Variants in SMC2 observed in about 807,000 individuals in gnomAD.
SMC2 encodes the protein structural maintenance of chromosomes protein 2.
Under a neutral mutation model 142.6 loss-of-function variants are expected in SMC2, and 41 were observed. The ratio of observed to expected loss-of-function variants is 0.29; its 90% CI spans 0.22 to 0.37. SMC2 has a LOEUF of 0.37. Ranked by LOEUF, SMC2 falls within the 10% of genes least tolerant of loss-of-function variation. SMC2 has a pLI of 1.00. For synonymous variants in SMC2, 463 were observed against 457.5 expected, an observed-to-expected ratio of 1.01 and a Z score of -0.15; for missense variants, 1,265 against 1,373.7, an observed-to-expected ratio of 0.92 and a Z score of 1.25.
At chr9:104,138,241 C>T (rs1835762578) in intron 24 of SMC2, 76 bp downstream of exon 24, 1 of 1,187,260 alleles carries the variant, frequency 8.4e-7, no homozygotes, top group African/African-American at 1.5e-5. Context: ...AGTTAGTAGT[C>T]AATGTTAATA....
At position 104,113,322 on chromosome 9, in the gene SMC2, A is replaced by G; in HGVS notation, c.1261A>G (p.Met421Val). The G allele has an allele frequency of 6.2e-7, 1 of 1,603,284 alleles. No homozygotes were observed. The highest frequency in any genetic ancestry group is 8.5e-7 in the Non-Finnish European group (1 of 1,175,922). The stretch of plus-strand genomic sequence containing the variant: ...TTGCATTTTTCTGCCACAGGCTCAG[A>G]TGAAGTTGAAGCATGCTCAACAGGA... ...KAQTEAKQAQ[M>V]KLKHAQQELK... Residue 421 changes from methionine (M) to valine (V), a missense_variant, in exon 11 of 25, where the codon ATG (methionine) becomes GTG (valine). Met to Val is a conservative substitution (Grantham distance 21). This residue lies in a region of SMC2 where 898 missense variants were observed against 904.2 expected (regional missense o/e 0.99). Transcript: ENST00000374793.
Position 104,126,749 on chromosome 9 carries a change from A to T in SMC2, c.2560A>T (p.Ile854Phe). The part of the protein sequence containing the change: ...NEAIKSYESQ[I>F]EVMAAEVAKN... ...AGCTATCAAATCCTATGAAAGTCAG[A>T]TTGAAGTAATGGCAGCTGAGGTGGC... The change falls in exon 19 of 25, where the codon ATT (isoleucine) becomes TTT (phenylalanine). Residue 854 changes from isoleucine to phenylalanine, a missense_variant. Transcript: ENST00000374793. 6.2e-7 allele frequency: 1 copy of T among 1,611,344 alleles called. No homozygotes were observed. The highest frequency in any genetic ancestry group is 8.5e-7 in the Non-Finnish European group (1 of 1,179,340).
chr9:104,098,927 G>C (rs1587890131), intron 4 of SMC2, among the ~76,000 whole-genome samples: 1 of 151,548 alleles, frequency 6.6e-6, no homozygotes, highest in East Asian at 1.9e-4. Context: ...AATTTTCTTA[G>C]AGACTCACAC....
intron 16 of SMC2, among the ~76,000 whole-genome samples, chr9:104,120,646 C>T (rs991587884): frequency 6.6e-6 from 1 of 152,194 alleles, no homozygotes; most frequent in South Asian, 2.1e-4. Context: ...TGTCGAATAT[C>T]AGCACTAAAA....
chr9:104,131,962 G>A, intron 21 of SMC2, 47 bp from the exon 22 acceptor site: 1 of 949,910 alleles, frequency 1.1e-6, no homozygotes, highest in Non-Finnish European at 1.6e-6. Flanking sequence ...CCAGAATATA[G>A]AAGAGATTTT....
Position 104,139,986 on chromosome 9 carries a change from G to A in SMC2, c.*671G>A, listed in dbSNP as rs986114032. 1 of 151,892 alleles carries A rather than the reference G, an allele frequency of 6.6e-6. No homozygotes were observed. Among genetic ancestry groups the A allele is most frequent in the Non-Finnish European group, 1.5e-5 (1 of 67,948 alleles). 9.4% of individuals were successfully genotyped at this position (151,892 alleles called of 1,614,324 possible). On this transcript the variant is annotated 3_prime_UTR_variant, in exon 25 of 25. Transcript: ENST00000374793. Reference sequence around the variant, plus strand: ...TATACGCTTAATAATTGGTCTCTACGACTTTAATGTTTTTGTTTTTTTAAG... The same window carrying A: ...TATACGCTTAATAATTGGTCTCTACAACTTTAATGTTTTTGTTTTTTTAAG...
chr9:104,137,674 C>T (rs1380747385), intron 23 of SMC2, among the ~76,000 whole-genome samples: 1 of 151,692 alleles, frequency 6.6e-6, no homozygotes, highest in Non-Finnish European at 1.5e-5. Context: ...AGCTCTTAAC[C>T]TGCTACCTAG....
intron 17 of SMC2, among the ~76,000 whole-genome samples, chr9:104,123,831 T>G (rs1035078384): frequency 1.3e-5 from 2 of 152,266 alleles, no homozygotes; most frequent in Non-Finnish European, 2.9e-5. Flanking sequence ...TGTAATTCAC[T>G]TTATAGCCAT....
rs532402602 is a variant in SMC2, at chr9:104,127,408, T to C, written c.2718T>C (p.Ser906=). 1 of 1,613,724 alleles carries C rather than the reference T, an allele frequency of 6.2e-7. No individual in the cohort carries two copies. The highest frequency in any genetic ancestry group is 1.1e-5 in the South Asian group (1 of 91,048). Residue 906 remains serine, a synonymous_variant, in exon 20 of 25, where the codon TCT becomes TCC. Coordinates refer to ENST00000374793, the MANE Select transcript of SMC2 (RefSeq NM_006444.3). The part of the protein sequence containing the change: ...VAKHKEQNND[S]QLKIKELDHN... ...AACACAAGGAGCAAAACAATGATTC[T>C]CAGCTTAAAATTAAGGAATTAGACC...
Position 104,113,858 on chromosome 9 carries a change from T to A in SMC2, c.1415-106T>A, listed in dbSNP as rs987153117. Reference sequence around the variant, plus strand: ...ATGCTTTTTTAATACTTACAGAAATTTGTATTTTTTGCATGCTTTGGAAAT... The same window carrying A: ...ATGCTTTTTTAATACTTACAGAAATATGTATTTTTTGCATGCTTTGGAAAT... On this transcript the variant is annotated intron_variant, in intron 11 of 24. Transcript: ENST00000374793. 1.3e-5 allele frequency: 9 copies of A among 666,940 alleles called. No homozygotes were observed. The Admixed American group carries it at 2.3e-4, about 17-fold the overall frequency. 41.3% of individuals were successfully genotyped at this position (666,940 alleles called of 1,614,324 possible). A position where few individuals can be genotyped will look rare whatever the true frequency, so the allele number is the denominator to read the frequency against.
intron 14 of SMC2, 53 bp downstream of exon 14, chr9:104,116,372 T>A: frequency 2.0e-6 from 3 of 1,509,632 alleles, no homozygotes; most frequent in Non-Finnish European, 2.7e-6. Context: ...GTGGTTTTTT[T>A]AAGTTAGAAG....
At chr9:104,137,127 G>A (rs547083181) in intron 23 of SMC2, among the ~76,000 whole-genome samples, 4 of 152,156 alleles carry the variant, frequency 2.6e-5, no homozygotes, top group South Asian at 4.1e-4. Flanking sequence ...CATCCGGGGT[G>A]ACAGAGCAAG....
rs1834421733 is a variant in SMC2, at chr9:104,127,316, A to T, written c.2626A>T (p.Thr876Ser). The change falls in exon 20 of 25, where the codon ACC becomes TCC. Residue 876 changes from threonine (T) to serine (S), a missense_variant. By Grantham distance (58) the Thr-to-Ser change is moderately conservative (BLOSUM62 1). Around this residue, in one of 4 missense-constraint regions of SMC2, gnomAD observed 898 missense variants for 904.2 expected, o/e 0.99. Coordinates refer to ENST00000374793, the MANE Select transcript of SMC2 (RefSeq NM_006444.3). ...ESVNKAQEEVTKQKEVITAQD... is the reference protein window; with the variant it reads ...ESVNKAQEEVSKQKEVITAQD... ...AGTAAATAAAGCTCAAGAAGAGGTG[A>T]CCAAGCAAAAAGAGGTGATAACAGC... The T allele has an allele frequency of 1.3e-6, 2 of 1,596,116 alleles. No homozygotes were observed. The highest frequency in any genetic ancestry group is 2.7e-5 in the African/African-American group (2 of 74,420).
At chr9:104,103,259 A>G (rs1055132602) in intron 9 of SMC2, among the ~76,000 whole-genome samples, 19 of 152,088 alleles carry the variant, frequency 1.2e-4, no homozygotes, top group African/African-American at 4.6e-4. Context: ...AAGATGTTTC[A>G]AGGAGAAGTG....
intron 17 of SMC2, among the ~76,000 whole-genome samples, 200 bp from the exon 18 acceptor site, chr9:104,124,712 G>A (rs1418532010): frequency 1.3e-5 from 2 of 151,540 alleles, no homozygotes; most frequent in African/African-American, 4.9e-5. Context: ...AAATTATTTT[G>A]TTACAGATCT....
intron 2 of SMC2, 60 bp downstream of exon 2, chr9:104,095,612 C>T: frequency 7.4e-7 from 1 of 1,347,628 alleles, no homozygotes; most frequent in Admixed American, 1.8e-5. Context: ...CCTCACTGAA[C>T]TTTGGAGACG....
rs534652112 is a variant in SMC2 at position 104,131,993 on chromosome 9, G to GT, written c.2992-10dup. 50 of 1,266,224 alleles carry GT rather than the reference G, an allele frequency of 3.9e-5. 2 individuals are homozygous for GT. In the South Asian group the frequency reaches 5.3e-4, roughly 13 times the overall value. 78.4% of individuals were successfully genotyped at this position (1,266,224 alleles called of 1,614,324 possible). ...ATTTTATATTTTCCCAGTTAACCAT[G>GT]TTTTTTATCTCATAGTACAATGACT... On this transcript the variant is annotated splice_polypyrimidine_tract_variant and intron_variant, in intron 21 of 24. Transcript: ENST00000374793.
chr9:104,136,887 G>A (rs553464693), intron 23 of SMC2, among the ~76,000 whole-genome samples: 5 of 150,788 alleles, frequency 3.3e-5, no homozygotes, highest in African/African-American at 1.2e-4. Context: ...GCTCATGCCT[G>A]TAATCCCAGC....
chr9:104,132,819 A>C (rs1242298804), intron 22 of SMC2, among the ~76,000 whole-genome samples: 1 of 150,770 alleles, frequency 6.6e-6, no homozygotes, highest in African/African-American at 2.4e-5. Context: ...CAGCATGTCG[A>C]TTTAACACTG....
Sources: gnomAD v4.1 joint callset for allele counts (sites outside exome capture counted in the v4.1 genomes callset) on GRCh38, gnomAD v4.1.1 for gene constraint, gnomAD v4.1.1 regional missense constraint, MANE v1.5 for transcripts, NCBI Gene and HGNC (gene_info 2026-07-23, HGNC 2026-07-21) for gene names.